SLC2A1: variants seen among roughly 807,000 people sequenced by gnomAD.
SLC2A1 encodes solute carrier family 2 member 1, also known as solute carrier family 2, facilitated glucose transporter member 1.
In SLC2A1, 4 loss-of-function variants were observed where a neutral mutation model predicts 46.6. That is an observed-to-expected ratio of 0.09 (90% CI 0.04 to 0.20). The LOEUF is 0.20. SLC2A1 is among the 10% of genes least tolerant of loss of function. The probability of loss-of-function intolerance (pLI) is 1.00; values close to 1 mark genes in which losing one functional copy is unlikely to be tolerated. For synonymous variants in SLC2A1, 253 were observed against 270.0 expected, an observed-to-expected ratio of 0.94 and a Z score of 0.62; for missense variants, 352 against 667.0, an observed-to-expected ratio of 0.53 and a Z score of 5.20.
chr1:42,937,714 G>A (rs1474957345), intron 2 of SLC2A1, among the ~76,000 whole-genome samples: 1 of 152,234 alleles, frequency 6.6e-6, no homozygotes, highest in Non-Finnish European at 1.5e-5. Context: ...TCTAGAGTAT[G>A]TATAACAATG....
rs749596798 is a variant in SLC2A1, at chr1:42,952,358, A to T, written c.18+6276T>A. 3 of 476,968 alleles carry T rather than the reference A, an allele frequency of 6.3e-6. No individual in the cohort carries two copies. The Admixed American group carries it at 6.6e-5, about 10-fold the overall frequency. 29.5% of individuals were successfully genotyped at this position (476,968 alleles called of 1,614,324 possible). A position where few individuals can be genotyped will look rare whatever the true frequency, so the allele number is the denominator to read the frequency against. ...TGGCTGCCGGGCCACTCAGGCCCAC[A>T]CTCAGCCTAGCGCTTGGCTGGAGGA... On this transcript the variant is annotated intron_variant, in intron 1 of 9. Transcript: ENST00000426263.
At chr1:42,958,002 C>A (rs996883334) in intron 1 of SLC2A1, among the ~76,000 whole-genome samples, 24 of 152,214 alleles carry the variant, frequency 1.6e-4, no homozygotes, top group Non-Finnish European at 3.1e-4. Context: ...TCTCAACCCC[C>A]GCGTTCGAGC....
chr1:42,949,943 G>C (rs1275636123), intron 1 of SLC2A1, among the ~76,000 whole-genome samples: 3 of 152,098 alleles, frequency 2.0e-5, no homozygotes, highest in African/African-American at 7.2e-5. Context: ...TTTCTACCTG[G>C]TGCTTTCTAT....
At chr1:42,938,788 C>A (rs747170178) in intron 2 of SLC2A1, among the ~76,000 whole-genome samples, 2 of 152,230 alleles carry the variant, frequency 1.3e-5, no homozygotes, top group Non-Finnish European at 2.9e-5. Context: ...GTCAACTAAC[C>A]CTTCAAGGTC....
At chr1:42,941,716 T>G (rs1343292069) in intron 2 of SLC2A1, among the ~76,000 whole-genome samples, 1 of 152,204 alleles carries the variant, frequency 6.6e-6, no homozygotes, top group Non-Finnish European at 1.5e-5. Flanking sequence ...AGTGGAGAGC[T>G]CAACCTCCCT....
rs368832648 is a variant in SLC2A1 at position 42,927,835 on chromosome 1, A to T, written c.1075-27T>A. On this transcript the variant is annotated intron_variant, in intron 8 of 9. Coordinates refer to ENST00000426263, the MANE Select transcript of SLC2A1 (RefSeq NM_006516.4). This position sits in a 1 kb window ranked among gnomAD's most constrained non-coding sequence, Gnocchi z 5.3. ...TGTTGAGGATGACGGAGAGGGGGAA[A>T]AGTTAGACTGGGTTGTGATGGATCC... 39 of 1,562,798 alleles carry T rather than the reference A, an allele frequency of 2.5e-5. No individual in the cohort carries two copies. The African/African-American group carries it at 5.1e-4, about 21-fold the overall frequency.
rs35878954 is a variant in SLC2A1, at chr1:42,943,230, T to TG, written c.109dup (p.Gln37ProfsTer52). The TG allele has an allele frequency of 6.2e-7, 1 of 1,609,886 alleles. No individual in the cohort carries two copies. The highest frequency in any genetic ancestry group is 8.5e-7 in the Non-Finnish European group (1 of 1,176,500). ...CAACGATGGCACAGTACTCACCTTC[T>TG]GGGGGGCATTGATGACTCCAGTGTT... On this transcript the variant is annotated frameshift_variant, in exon 2 of 10. Coordinates refer to ENST00000426263, the MANE Select transcript of SLC2A1 (RefSeq NM_006516.4). LOFTEE classifies it high-confidence loss of function.
At position 42,930,450 on chromosome 1, in the gene SLC2A1, C is replaced by T; in HGVS notation, c.516+176G>A. The T allele has an allele frequency of 1.2e-6, 1 of 856,062 alleles. No individual in the cohort carries two copies. The allele number at this position is 856,062 out of a possible 1,614,324, so 53.0% of individuals were successfully genotyped here. ...GACTGAGAAGAGTCAAGTCATCTTG[C>T]TGTCAACTGGGAGGCCATGGTGCTG... On this transcript the variant is annotated intron_variant, in intron 4 of 9. Transcript: ENST00000426263. The surrounding 1 kb of genome is among the most constrained non-coding windows in gnomAD (Gnocchi z 6.2).
intron 1 of SLC2A1, among the ~76,000 whole-genome samples, chr1:42,956,026 C>A (rs1643768866): frequency 1.3e-5 from 2 of 152,040 alleles, no homozygotes; most frequent in Non-Finnish European, 2.9e-5. Flanking sequence ...GAAAGGCAAG[C>A]GATATGACCT....
rs1481985885 is a variant in SLC2A1 at position 42,929,353 on chromosome 1, T to C, written c.868-39A>G. Reference sequence around the variant, plus strand: ...GAAACTGTTGGGGCCTACCTGGACATTGTGGCCCTTCCCTGCCTCTGTAGC... The same window carrying C: ...GAAACTGTTGGGGCCTACCTGGACACTGTGGCCCTTCCCTGCCTCTGTAGC... On this transcript the variant is annotated intron_variant, in intron 6 of 9. Coordinates refer to ENST00000426263, the MANE Select transcript of SLC2A1 (RefSeq NM_006516.4). This position sits in a 1 kb window ranked among gnomAD's most constrained non-coding sequence, Gnocchi z 6.0. 6 of 1,505,980 alleles carry C rather than the reference T, an allele frequency of 4.0e-6. No homozygotes were observed. The highest frequency in any genetic ancestry group is 3.7e-5 in the Admixed American group (2 of 54,424). 93.3% of individuals were successfully genotyped at this position (1,505,980 alleles called of 1,614,324 possible). A position where few individuals can be genotyped will look rare whatever the true frequency, so the allele number is the denominator to read the frequency against.
chr1:42,939,256 GT>G, intron 2 of SLC2A1, among the ~76,000 whole-genome samples: 1 of 152,220 alleles, frequency 6.6e-6, no homozygotes, highest in Non-Finnish European at 1.5e-5. Context: ...CATGTTACAT[GT>G]ATCACTTCTA....
At chr1:42,957,653 C>T (rs112512746) in intron 1 of SLC2A1, among the ~76,000 whole-genome samples, 8,940 of 152,212 alleles carry the variant, frequency 0.059, 929 homozygotes, top group African/African-American at 0.2. Context: ...ACAGGAGGGG[C>T]TCCACAAACA....
chr1:42,941,870 G>A (rs576959957), intron 2 of SLC2A1, among the ~76,000 whole-genome samples: 2 of 152,322 alleles, frequency 1.3e-5, no homozygotes, highest in African/African-American at 4.8e-5. Flanking sequence ...ATGGGCCCAC[G>A]GTCTCCATGC....
chr1:42,942,956 G>T, intron 2 of SLC2A1: 1 of 541,494 alleles, frequency 1.8e-6, no homozygotes, highest in Non-Finnish European at 3.3e-6. Flanking sequence ...ATTATTAAAT[G>T]ACTGAGTTGG....
In SLC2A1 at chr1:42,942,968, T is replaced by TG. The variant is rs781484452; in HGVS notation, c.114+257dup. The TG allele has an allele frequency of 3.4e-4, 191 of 561,796 alleles. 1 individual carries two copies. Among genetic ancestry groups the TG allele is most frequent in the Middle Eastern group, 9.5e-4 (2 of 2,096 alleles). The allele number at this position is 561,796 out of a possible 1,614,324, so 34.8% of individuals were successfully genotyped here. ...CATATTATTAAATGACTGAGTTGGGTGGGGGGTTGGTCAAGAGGGCCTATA... is the reference window on the plus strand; with the variant it reads ...CATATTATTAAATGACTGAGTTGGGTGGGGGGGTTGGTCAAGAGGGCCTATA... On this transcript the variant is annotated intron_variant, in intron 2 of 9. Coordinates refer to ENST00000426263, the MANE Select transcript of SLC2A1 (RefSeq NM_006516.4).
At chr1:42,928,819 GA>G in intron 8 of SLC2A1, 112 bp downstream of exon 8, 1 of 903,754 alleles carries the variant, frequency 1.1e-6, no homozygotes, top group Non-Finnish European at 1.8e-6. Flanking sequence ...CACAGCCAGG[GA>G]GAATGCAGCC....
chr1:42,933,125 G>C (rs1366925421), intron 2 of SLC2A1, among the ~76,000 whole-genome samples: 1 of 152,198 alleles, frequency 6.6e-6, no homozygotes, highest in Non-Finnish European at 1.5e-5. Flanking sequence ...CAGTGCTGCA[G>C]GGAATCAGTG....
chr1:42,958,516 G>A (rs1643805822), intron 1 of SLC2A1, 118 bp downstream of exon 1: 3 of 758,232 alleles, frequency 4.0e-6, no homozygotes, highest in Non-Finnish European at 5.3e-6. Context: ...GGAGAGGCGC[G>A]CGGCCCGCCC....
In SLC2A1 at chr1:42,929,558, G is replaced by A; in HGVS notation, c.867+35C>T. 1 of 1,587,112 alleles carries A rather than the reference G, an allele frequency of 6.3e-7. No individual in the cohort carries two copies. Among genetic ancestry groups the A allele is most frequent in the Non-Finnish European group, 8.6e-7 (1 of 1,158,328 alleles). ...CATGCACACTTGACCAGAGGGCTTG[G>A]CTGGGGCACAGGAAGGGTGGGTGGG... On this transcript the variant is annotated intron_variant, in intron 6 of 9. Transcript: ENST00000426263. This position sits in a 1 kb window ranked among gnomAD's most constrained non-coding sequence, Gnocchi z 6.0.
Sources: gnomAD v4.1 joint callset for allele counts (sites outside exome capture counted in the v4.1 genomes callset) on GRCh38, gnomAD v4.1.1 for gene constraint, Gnocchi (gnomAD v3.1) non-coding constraint, MANE v1.5 for transcripts, NCBI Gene and HGNC (gene_info 2026-07-23, HGNC 2026-07-21) for gene names.